Variants in ABI2 observed in about 807,000 individuals in gnomAD.
The protein encoded by ABI2 is abelson interactor 2.
In ABI2, 25 loss-of-function variants were observed where a neutral mutation model predicts 59.2. That is an observed-to-expected ratio of 0.42 (90% confidence interval 0.31 to 0.59). The LOEUF (loss-of-function observed/expected upper bound fraction) is 0.59, where lower values mean the gene tolerates loss of function less well. Among genes scored for constraint, ABI2 ranks in the 20% least tolerant of loss-of-function variants. The pLI is 0.14. For synonymous variants in ABI2, 213 were observed against 235.5 expected, an observed-to-expected ratio of 0.90 and a Z score of 0.87; for missense variants, 545 against 681.8, an observed-to-expected ratio of 0.80 and a Z score of 2.23.
intron 11 of ABI2, among the ~76,000 whole-genome samples, chr2:203,420,013 T>G (rs1580770631): frequency 6.6e-6 from 1 of 152,296 alleles, no homozygotes; most frequent in Non-Finnish European, 1.5e-5. Context: ...TTTGAAATGT[T>G]AGCTCTATTG....
chr2:203,406,990 G>A (rs905778393), intron 9 of ABI2, among the ~76,000 whole-genome samples: 2 of 152,156 alleles, frequency 1.3e-5, no homozygotes, highest in African/African-American at 2.4e-5. Flanking sequence ...AATTAATTCA[G>A]ATACCACATC....
At chr2:203,396,544 A>G (rs955386567) in intron 7 of ABI2, among the ~76,000 whole-genome samples, 2 of 152,206 alleles carry the variant, frequency 1.3e-5, no homozygotes, top group African/African-American at 4.8e-5. Flanking sequence ...AGTGCTTTCA[A>G]TTGAAAAGGA....
At chr2:203,381,381 A>C (rs1460422497) in intron 3 of ABI2, among the ~76,000 whole-genome samples, 1 of 152,080 alleles carries the variant, frequency 6.6e-6, no homozygotes, top group Non-Finnish European at 1.5e-5. Flanking sequence ...GGCTCAGGTG[A>C]TCTTCCCTTG....
intron 4 of ABI2, among the ~76,000 whole-genome samples, chr2:203,384,244 A>C (rs375436946): frequency 6.6e-6 from 1 of 150,822 alleles, no homozygotes; most frequent in Non-Finnish European, 1.5e-5. Flanking sequence ...TAAAAGTGGA[A>C]TGTACCTTGA....
chr2:203,414,568 C>T (rs1311321858), intron 10 of ABI2, among the ~76,000 whole-genome samples: 1 of 152,174 alleles, frequency 6.6e-6, no homozygotes, highest in African/African-American at 2.4e-5. Flanking sequence ...TCTTAAAGCA[C>T]ACACTACACT....
intron 2 of ABI2, among the ~76,000 whole-genome samples, chr2:203,370,515 A>G (rs1374976154): frequency 1.3e-5 from 2 of 152,138 alleles, no homozygotes; most frequent in Non-Finnish European, 2.9e-5. Context: ...AACTATTCTT[A>G]GCTTCTGGGC....
At position 203,430,856 on chromosome 2, in the gene ABI2, A is replaced by G. The variant is rs1302425715; in HGVS notation, c.*3504A>G. On this transcript the variant is annotated 3_prime_UTR_variant, in exon 12 of 12. Transcript: ENST00000261018. ...TTGGCAGTTTATGTTGAAGATAACT[A>G]AAGATTTTTCTCTTTGGGAGGCATC... 1 of 152,226 alleles carries G rather than the reference A, an allele frequency of 6.6e-6. No individual in the cohort carries two copies. Among genetic ancestry groups the G allele is most frequent in the Non-Finnish European group, 1.5e-5 (1 of 68,036 alleles). The allele number at this position is 152,226 out of a possible 1,614,324, so 9.4% of individuals were successfully genotyped here.
chr2:203,410,255 T>C (rs1162585986), intron 9 of ABI2, among the ~76,000 whole-genome samples: 1 of 152,240 alleles, frequency 6.6e-6, no homozygotes, highest in Non-Finnish European at 1.5e-5. Flanking sequence ...TTCAATAGAA[T>C]GTGATCTCCT....
chr2:203,360,690 T>C (rs1186752465), intron 1 of ABI2, among the ~76,000 whole-genome samples: 2 of 152,228 alleles, frequency 1.3e-5, no homozygotes, highest in Admixed American at 1.3e-4. Flanking sequence ...AGATATGGCC[T>C]AGCTGTGAAA....
In ABI2 at chr2:203,328,651, G is replaced by T. The variant is rs747860963; in HGVS notation, c.117+20G>T. ...ATACAGGTGCGAAGCATCCCCAGCTGGGCCGCGTCGGGGACCCCCCCGCCG... is the reference window on the plus strand; with the variant it reads ...ATACAGGTGCGAAGCATCCCCAGCTTGGCCGCGTCGGGGACCCCCCCGCCG... On this transcript the variant is annotated intron_variant, in intron 1 of 11. Transcript: ENST00000261018. 6.7e-7 allele frequency: 1 copy of T among 1,503,232 alleles called. No individual in the cohort carries two copies. Among genetic ancestry groups the T allele is most frequent in the Non-Finnish European group, 8.9e-7 (1 of 1,120,762 alleles). 93.1% of individuals were successfully genotyped at this position (1,503,232 alleles called of 1,614,324 possible).
intron 1 of ABI2, among the ~76,000 whole-genome samples, chr2:203,362,727 A>G (rs1329359772): frequency 1.3e-5 from 2 of 151,918 alleles, no homozygotes; most frequent in Non-Finnish European, 2.9e-5. Context: ...GGGTTTCTCC[A>G]TGTCGGGCAG....
intron 4 of ABI2, among the ~76,000 whole-genome samples, chr2:203,388,848 G>A (rs1362729323): frequency 6.6e-6 from 1 of 151,976 alleles, no homozygotes; most frequent in Non-Finnish European, 1.5e-5. Flanking sequence ...AATATAAGCT[G>A]GAAAGCTCTT....
At chr2:203,394,954 T>C (rs2096912994) in intron 6 of ABI2, 108 bp downstream of exon 6, 2 of 1,254,586 alleles carry the variant, frequency 1.6e-6, no homozygotes, top group Admixed American at 3.7e-5. Flanking sequence ...TTTTCCTCAC[T>C]CTATTCTCCC....
chr2:203,342,323 G>A (rs1175555974), intron 1 of ABI2: 1 of 417,576 alleles, frequency 2.4e-6, no homozygotes, highest in Non-Finnish European at 4.8e-6. Flanking sequence ...GAGTTGAACT[G>A]CATATAATAT....
intron 10 of ABI2, 143 bp from the exon 11 acceptor site, chr2:203,416,765 C>A: frequency 2.3e-6 from 2 of 857,194 alleles, no homozygotes; most frequent in Non-Finnish European, 3.4e-6. Context: ...GGTGGGAAGA[C>A]TTATCTTGCT....
intron 10 of ABI2, among the ~76,000 whole-genome samples, chr2:203,415,864 A>G (rs893760480): frequency 2.6e-5 from 4 of 152,194 alleles, no homozygotes; most frequent in Non-Finnish European, 1.5e-5. Flanking sequence ...GTTTGAAGAT[A>G]ATCTTTTTGA....
intron 1 of ABI2, among the ~76,000 whole-genome samples, chr2:203,348,328 CCCACATT>C (rs1204399246): frequency 6.6e-6 from 1 of 152,052 alleles, no homozygotes; most frequent in Non-Finnish European, 1.5e-5. Context: ...AGTAATAGTT[CCCACATT>C]AAACATGAAG....
chr2:203,379,525 C>T (rs1027596971), intron 2 of ABI2, among the ~76,000 whole-genome samples: 8 of 152,168 alleles, frequency 5.3e-5, no homozygotes, highest in African/African-American at 1.9e-4. Context: ...GGGCCTGAGC[C>T]ACTGTGCCTG....
At position 203,422,686 on chromosome 2, in the gene ABI2, TAGA is replaced by T. The variant is rs1256398865; in HGVS notation, c.1454-4488_1454-4486del. ...AAAGAACTGAGAAGAGGCTCAAAAG[TAGA>T]AGGCCAGTTTTTTTCAAGTGAATAG... On this transcript the variant is annotated intron_variant, in intron 11 of 11. Coordinates refer to ENST00000261018, the MANE Select transcript of ABI2 (RefSeq NM_001375670.1). Among the ~76,000 whole-genome samples, 17 of 152,210 alleles carry T rather than the reference TAGA, an allele frequency of 1.1e-4. No homozygotes were observed. In the East Asian group the frequency reaches 2.1e-3, roughly 19 times the overall value.
Sources: allele counts gnomAD v4.1 joint callset (sites outside exome capture counted in the v4.1 genomes callset), GRCh38; gene constraint gnomAD v4.1.1; transcripts MANE v1.5; gene names NCBI Gene and HGNC (gene_info 2026-07-23, HGNC 2026-07-21).